ALK: variants seen among roughly 807,000 people sequenced by gnomAD.
The protein encoded by ALK is ALK tyrosine kinase receptor.
A neutral mutation model predicts 163.1 loss-of-function variants in ALK; 74 were observed. The observed-to-expected ratio is 0.45, with a 90% CI of 0.38 to 0.55. The LOEUF is 0.55. Ranked by LOEUF, ALK falls within the 20% of genes least tolerant of loss-of-function variation. ALK has a pLI of 0.00. For missense variants in ALK, 2,063 were observed against 2,105.3 expected (o/e 0.98, Z 0.39); for synonymous variants, 960 against 843.2 (o/e 1.14, Z -2.40).
intron 4 of ALK, among the ~76,000 whole-genome samples, chr2:29,508,082 T>C (rs146453008): frequency 6.6e-6 from 1 of 152,140 alleles, no homozygotes; most frequent in Non-Finnish European, 1.5e-5. Flanking sequence ...GATCTAGAAC[T>C]TGGGGAGTGC....
intron 1 of ALK, among the ~76,000 whole-genome samples, chr2:29,826,469 A>T (rs1202719016): frequency 6.6e-6 from 1 of 151,838 alleles, no homozygotes; most frequent in Non-Finnish European, 1.5e-5. Flanking sequence ...AAAAAAGACA[A>T]TCTTAGGTCT....
chr2:29,482,616 G>A (rs986404788), intron 4 of ALK, among the ~76,000 whole-genome samples: 2 of 152,080 alleles, frequency 1.3e-5, no homozygotes, highest in Admixed American at 1.3e-4. Context: ...AGTTATTTAC[G>A]GCATGTATCC....
chr2:29,529,771 C>A (rs56344512), intron 4 of ALK, among the ~76,000 whole-genome samples: 17,416 of 152,258 alleles, frequency 0.11, 1,347 homozygotes, highest in Non-Finnish European at 0.18. Flanking sequence ...AATCTGGAAT[C>A]ACTCCAGCTC....
At chr2:29,541,718 T>C (rs974281451) in intron 3 of ALK, among the ~76,000 whole-genome samples, 3 of 152,250 alleles carry the variant, frequency 2.0e-5, no homozygotes, top group Non-Finnish European at 4.4e-5. Context: ...AAAGTATTCC[T>C]GCAAAGCTGT....
chr2:29,783,396 T>C (rs1663898493), intron 1 of ALK, among the ~76,000 whole-genome samples: 1 of 152,156 alleles, frequency 6.6e-6, no homozygotes. Context: ...CATCCACAGG[T>C]GGCTCCCAAC....
chr2:29,447,590 CCTT>C (rs1349310179), intron 4 of ALK, among the ~76,000 whole-genome samples: 2 of 152,228 alleles, frequency 1.3e-5, no homozygotes, highest in African/African-American at 4.8e-5. Context: ...CAGGCCCCAT[CCTT>C]CTCTCCACAG....
intron 3 of ALK, among the ~76,000 whole-genome samples, chr2:29,532,363 T>C (rs1203291848): frequency 6.6e-6 from 1 of 152,208 alleles, no homozygotes; most frequent in African/African-American, 2.4e-5. Flanking sequence ...GTTCGAACCT[T>C]AGCTCCCCTA....
chr2:29,601,954 G>T (rs533973809), intron 3 of ALK, among the ~76,000 whole-genome samples: 1 of 152,168 alleles, frequency 6.6e-6, no homozygotes, highest in South Asian at 2.1e-4. Flanking sequence ...ACCTGAAGGT[G>T]GGGGCGGGGG....
At chr2:29,312,608 A>G (rs755613659) in intron 8 of ALK, among the ~76,000 whole-genome samples, 2 of 152,166 alleles carry the variant, frequency 1.3e-5, no homozygotes, top group Admixed American at 6.5e-5. Flanking sequence ...AGGTATCAGC[A>G]TTACACTGTG....
intron 11 of ALK, among the ~76,000 whole-genome samples, chr2:29,264,372 C>T (rs1448242755): frequency 6.6e-6 from 1 of 152,138 alleles, no homozygotes; most frequent in African/African-American, 2.4e-5. Flanking sequence ...AAGTTTTTTT[C>T]CCTCGATACT....
chr2:29,473,485 T>C (rs72794424), intron 4 of ALK, among the ~76,000 whole-genome samples: 10,692 of 152,260 alleles, frequency 0.07, 529 homozygotes, highest in Non-Finnish European at 0.11. Context: ...ATATTCACAA[T>C]GTATACATCT....
At chr2:29,603,703 C>T (rs1420786045) in intron 3 of ALK, among the ~76,000 whole-genome samples, 1 of 152,050 alleles carries the variant, frequency 6.6e-6, no homozygotes, top group Non-Finnish European at 1.5e-5. Context: ...TCACACTTGG[C>T]CCAGCAAGCT....
intron 5 of ALK, among the ~76,000 whole-genome samples, chr2:29,328,839 A>G (rs1667354344): frequency 2.6e-5 from 4 of 152,174 alleles, no homozygotes; most frequent in Admixed American, 2.6e-4. Context: ...TCTCACCTGC[A>G]CAGATAGCTC....
chr2:29,864,784 C>G (rs1437892984), intron 1 of ALK, among the ~76,000 whole-genome samples: 3 of 152,208 alleles, frequency 2.0e-5, no homozygotes, highest in African/African-American at 7.2e-5. Context: ...CCCAGGGTGC[C>G]TCTAATGATG....
intron 4 of ALK, among the ~76,000 whole-genome samples, chr2:29,520,280 C>A (rs933128005): frequency 5.3e-5 from 8 of 152,160 alleles, no homozygotes; most frequent in Admixed American, 5.2e-4. Flanking sequence ...TTATGAAGAA[C>A]AGAGATGGAA....
At chr2:29,471,421 T>G (rs879401054) in intron 4 of ALK, among the ~76,000 whole-genome samples, 4 of 152,200 alleles carry the variant, frequency 2.6e-5, no homozygotes, top group Non-Finnish European at 5.9e-5. Flanking sequence ...GAATTATATA[T>G]CAAATAGGTA....
chr2:29,867,532 G>C (rs935989426), intron 1 of ALK, among the ~76,000 whole-genome samples: 3 of 152,148 alleles, frequency 2.0e-5, no homozygotes, highest in African/African-American at 7.2e-5. Context: ...AGACCGTTTT[G>C]TCTCTGACAA....
intron 11 of ALK, among the ~76,000 whole-genome samples, chr2:29,267,656 CT>C (rs1317553553): frequency 1.3e-5 from 2 of 152,146 alleles, no homozygotes; most frequent in Non-Finnish European, 2.9e-5. Flanking sequence ...GGAAGACCAC[CT>C]TTTGTGATCA....
At chr2:29,798,172 CA>C (rs1468239155) in intron 1 of ALK, among the ~76,000 whole-genome samples, 1 of 152,190 alleles carries the variant, frequency 6.6e-6, no homozygotes, top group African/African-American at 2.4e-5. Flanking sequence ...AGGCTAAATC[CA>C]AAAGGAAATA....
Sources: gnomAD v4.1 joint callset for allele counts (sites outside exome capture counted in the v4.1 genomes callset) on GRCh38, gnomAD v4.1.1 for gene constraint, MANE v1.5 for transcripts, NCBI Gene and HGNC (gene_info 2026-07-23, HGNC 2026-07-21) for gene names.